TGM4: variants seen among roughly 807,000 people sequenced by gnomAD.
The protein encoded by TGM4 is protein-glutamine gamma-glutamyltransferase 4.
In TGM4, 61 loss-of-function variants were observed where a neutral mutation model predicts 76.3. The observed-to-expected ratio is 0.80, with a 90% CI of 0.65 to 0.99. The LOEUF (loss-of-function observed/expected upper bound fraction) is 0.99. Ranked by LOEUF, TGM4 falls within the 50% of genes least tolerant of loss-of-function variation. The probability of loss-of-function intolerance (pLI) is 0.00; values close to 1 mark genes in which losing one functional copy is unlikely to be tolerated. For missense variants in TGM4, 794 were observed against 843.2 expected, an observed-to-expected ratio of 0.94 and a Z score of 0.72; for synonymous variants, 337 against 329.8, an observed-to-expected ratio of 1.02 and a Z score of -0.24.
intron 1 of TGM4, among the ~76,000 whole-genome samples, chr3:44,878,059 G>A (rs115276197): frequency 2.0e-5 from 3 of 151,962 alleles, no homozygotes; most frequent in African/African-American, 7.3e-5. Flanking sequence ...GATGAGGTGA[G>A]AGGATTGCTT....
rs962327932 is a variant in TGM4, at chr3:44,907,919, A to T, written c.1327+719A>T. Among the ~76,000 whole-genome samples, 17 of 152,334 alleles carry T rather than the reference A, an allele frequency of 1.1e-4. No individual in the cohort carries two copies. The South Asian group carries it at 3.5e-3, about 32-fold the overall frequency. On this transcript the variant is annotated intron_variant, in intron 10 of 13. Transcript: ENST00000296125. ...ATCCTCAAAGGGTGCAAGAGTCCAG[A>T]CAGGGGCAAACTGAAGATGGGATGT...
rs771282163 is a variant in TGM4, at chr3:44,911,419, G to A, written c.1913+13G>A. 3.7e-6 allele frequency: 6 copies of A among 1,613,556 alleles called. No individual in the cohort carries two copies. In the South Asian group the frequency reaches 5.5e-5, roughly 15 times the overall value. On this transcript the variant is annotated intron_variant, in intron 13 of 13. Coordinates refer to ENST00000296125, the MANE Select transcript of TGM4 (RefSeq NM_003241.4). Reference sequence around the variant, plus strand: ...CCTCTGACCATGGGTGAGTCTGCCTGAGGTATTCTTAGAAATATGCTTCTG... The same window carrying A: ...CCTCTGACCATGGGTGAGTCTGCCTAAGGTATTCTTAGAAATATGCTTCTG...
chr3:44,875,541 G>A (rs1175363454), intron 1 of TGM4, among the ~76,000 whole-genome samples: 1 of 152,096 alleles, frequency 6.6e-6, no homozygotes, highest in Non-Finnish European at 1.5e-5. Context: ...CCACCACCAA[G>A]AGCAGACACC....
chr3:44,891,359 C>A (rs897549874), intron 4 of TGM4, among the ~76,000 whole-genome samples: 6 of 100,582 alleles, frequency 6.0e-5, no homozygotes, highest in African/African-American at 2.4e-4. Flanking sequence ...CCAAGGAGCT[C>A]TTTTTTTTTA....
chr3:44,878,328 A>G (rs1046080385), intron 1 of TGM4, among the ~76,000 whole-genome samples: 9 of 152,020 alleles, frequency 5.9e-5, no homozygotes, highest in Non-Finnish European at 1.2e-4. Flanking sequence ...GTAATGGTTT[A>G]TGGCAGAGAA....
At chr3:44,900,717 A>T (rs1416863085) in intron 6 of TGM4, 1 of 152,204 alleles carries the variant, frequency 6.6e-6, no homozygotes. Context: ...GTCACCTTTC[A>T]TGTTTTCGGA....
chr3:44,893,430 C>G (rs1699730398), intron 4 of TGM4, 147 bp from the exon 5 acceptor site: 1 of 708,924 alleles, frequency 1.4e-6, no homozygotes, highest in African/African-American at 1.8e-5. Context: ...TACTTTCCCT[C>G]CCGCTTACCT....
At position 44,887,717 on chromosome 3, in the gene TGM4, C is replaced by A; in HGVS notation, c.222C>A (p.Thr74=). The change falls in exon 3 of 14, where the codon ACC becomes ACA. Residue 74 remains threonine, a synonymous_variant. Coordinates refer to ENST00000296125, the MANE Select transcript of TGM4 (RefSeq NM_003241.4). ...TGPNPSIAKH[T]LVVLDPRTPS... is the part of the protein sequence containing the mutation. ...CGAATCCTAGCATCGCCAAACACAC[C>A]CTGGTGGTGCTCGACCCGAGGACGC... is the stretch of plus-strand genomic sequence containing the variant. 6.2e-7 allele frequency: 1 copy of A among 1,614,116 alleles called. No homozygotes were observed. The highest frequency in any genetic ancestry group is 8.5e-7 in the Non-Finnish European group (1 of 1,179,992).
chr3:44,914,026 C>A lies in TGM4; in HGVS notation c.*301C>A, dbSNP rs1575731042. On this transcript the variant is annotated 3_prime_UTR_variant, in exon 14 of 14. Transcript: ENST00000296125. Reference sequence around the variant, plus strand: ...TGTCTCAATTCAAATCCATAGATTTCGAAGCCACAGAGTCTCTCCCTGGAG... The same window carrying A: ...TGTCTCAATTCAAATCCATAGATTTAGAAGCCACAGAGTCTCTCCCTGGAG... The A allele has an allele frequency of 1.4e-5, 4 of 290,908 alleles. No homozygotes were observed. The highest frequency in any genetic ancestry group is 2.6e-5 in the Non-Finnish European group (4 of 156,234). 18.0% of individuals were successfully genotyped at this position (290,908 alleles called of 1,614,324 possible).
At chr3:44,902,923 G>C (rs1575724429) in intron 8 of TGM4, among the ~76,000 whole-genome samples, 1 of 152,204 alleles carries the variant, frequency 6.6e-6, no homozygotes, top group East Asian at 1.9e-4. Context: ...AATTCCCGAG[G>C]CATTTCAGTT....
intron 1 of TGM4, 79 bp downstream of exon 1, chr3:44,874,776 G>C: frequency 6.3e-7 from 1 of 1,575,742 alleles, no homozygotes; most frequent in South Asian, 1.1e-5. Flanking sequence ...GCCTCTGCCG[G>C]GTGCCTGGGG....
chr3:44,879,421 C>G (rs552019549), intron 1 of TGM4, among the ~76,000 whole-genome samples: 85 of 151,556 alleles, frequency 5.6e-4, no homozygotes, highest in Middle Eastern at 3.4e-3. Flanking sequence ...ATTCTTCTGC[C>G]TCAGCCTCTC....
At chr3:44,911,856 C>T (rs1026303933) in intron 13 of TGM4, among the ~76,000 whole-genome samples, 2 of 152,126 alleles carry the variant, frequency 1.3e-5, no homozygotes, top group Middle Eastern at 3.2e-3. Context: ...GAGGTGGAGT[C>T]TCACTTTGTT....
intron 1 of TGM4, 149 bp from the exon 2 acceptor site, chr3:44,885,176 T>G: frequency 5.3e-6 from 4 of 750,844 alleles, no homozygotes; most frequent in Non-Finnish European, 8.6e-6. Context: ...CTCAGACAGA[T>G]TCATAACCAG....
chr3:44,901,744 G>T (rs1258274934), intron 7 of TGM4, 46 bp downstream of exon 7: 1 of 1,612,818 alleles, frequency 6.2e-7, no homozygotes, highest in South Asian at 1.1e-5. Flanking sequence ...CCAAGGGAGG[G>T]ACTCCCAGCC....
At chr3:44,892,129 G>A (rs1456208629) in intron 4 of TGM4, among the ~76,000 whole-genome samples, 3 of 151,526 alleles carry the variant, frequency 2.0e-5, no homozygotes, top group Non-Finnish European at 4.4e-5. Flanking sequence ...CTGGTGGCAT[G>A]CACCTGTAAT....
At chr3:44,884,487 CCT>C (rs928835040) in intron 1 of TGM4, among the ~76,000 whole-genome samples, 6 of 152,112 alleles carry the variant, frequency 3.9e-5, no homozygotes, top group South Asian at 2.1e-4. Flanking sequence ...AAAAAAATCC[CCT>C]GTTTTTTTTG....
chr3:44,898,350 A>T (rs562637916), intron 6 of TGM4, among the ~76,000 whole-genome samples: 1 of 152,008 alleles, frequency 6.6e-6, no homozygotes, highest in South Asian at 2.1e-4. Flanking sequence ...ATAATGGAAG[A>T]TACTATACTG....
intron 4 of TGM4, among the ~76,000 whole-genome samples, chr3:44,891,271 A>G (rs190679630): frequency 1.3e-5 from 2 of 152,240 alleles, no homozygotes; most frequent in Non-Finnish European, 2.9e-5. Flanking sequence ...GGCACATTCT[A>G]TGTCAACCCT....
Sources: allele counts gnomAD v4.1 joint callset (sites outside exome capture counted in the v4.1 genomes callset), GRCh38; gene constraint gnomAD v4.1.1; transcripts MANE v1.5; gene names NCBI Gene and HGNC (gene_info 2026-07-23, HGNC 2026-07-21).